RAB35: variants seen among roughly 807,000 people sequenced by gnomAD.
The protein encoded by RAB35 is RAB35, member RAS oncogene family.
Under a neutral mutation model 28.9 loss-of-function variants are expected in RAB35, and 4 were observed. The ratio of observed to expected loss-of-function variants is 0.14; its 90% CI spans 0.07 to 0.32. RAB35 has a LOEUF of 0.32. Among genes scored for constraint, RAB35 ranks in the 10% least tolerant of loss-of-function variants. The pLI is 1.00. For missense variants in RAB35, 128 were observed against 274.0 expected (o/e 0.47, Z 3.76); for synonymous variants, 99 against 105.1 (o/e 0.94, Z 0.35).
intron 3 of RAB35, 156 bp from the exon 4 acceptor site, chr12:120,099,310 C>G: frequency 1.1e-6 from 1 of 949,610 alleles, no homozygotes; most frequent in Non-Finnish European, 1.5e-6. Context: ...CCCCGAGCCA[C>G]AACAGGCCAG....
chr12:120,110,289 C>CTTTTTTTTTTTTTTTT (rs1430969524), intron 1 of RAB35, among the ~76,000 whole-genome samples: 1 of 24,968 alleles, frequency 4.0e-5, no homozygotes, highest in African/African-American at 1.9e-4. Context: ...AAGCCCACAG[C>CTTTTTTTTTTTTTTTT]ATTTTTTTTT....
intron 1 of RAB35, among the ~76,000 whole-genome samples, chr12:120,109,625 A>C (rs1186930057): frequency 6.8e-6 from 1 of 147,168 alleles, no homozygotes; most frequent in African/African-American, 2.5e-5. Context: ...TTTTATTTTT[A>C]GTAGGGACAG....
Position 120,099,087 on chromosome 12 carries a change from C to T in RAB35, c.295G>A (p.Val99Ile), listed in dbSNP as rs1337798232. ...TTGATTTCGTGAAGCCACCGCTTGA[C>T]GTTGACAAAGGACTCGGCACTGGTG... ...DVTSAESFVN[V>I]KRWLHEINQN... Residue 99 changes from valine to isoleucine, a missense_variant, in exon 4 of 6, where the codon GTC becomes ATC. Val to Ile is a conservative substitution (Grantham distance 29, BLOSUM62 3). Transcript: ENST00000229340. 8.7e-6 allele frequency: 14 copies of T among 1,614,130 alleles called. No individual in the cohort carries two copies. Among genetic ancestry groups the T allele is most frequent in the Non-Finnish European group, 1.1e-5 (13 of 1,180,052 alleles).
chr12:120,112,721 GC>G (rs1281210498), intron 1 of RAB35, among the ~76,000 whole-genome samples: 14 of 134,892 alleles, frequency 1.0e-4, no homozygotes, highest in Non-Finnish European at 2.1e-4. Context: ...GAGCTACCGT[GC>G]CTGGACCTTT....
Position 120,109,078 on chromosome 12 carries a change from C to A in RAB35, c.53-611G>T, listed in dbSNP as rs559690338. ...GGGCAGCAGCCCACATGTGCTCAGA[C>A]CATGCACCAGCCACAGCAGCTCCTG... On this transcript the variant is annotated intron_variant, in intron 1 of 5. Transcript: ENST00000229340. Among the ~76,000 whole-genome samples, 8 of 152,342 alleles carry A rather than the reference C, an allele frequency of 5.3e-5. No individual in the cohort carries two copies. The South Asian group carries it at 6.2e-4, about 12-fold the overall frequency.
intron 1 of RAB35, among the ~76,000 whole-genome samples, chr12:120,115,894 C>G (rs1246792010): frequency 6.6e-6 from 1 of 152,208 alleles, no homozygotes; most frequent in African/African-American, 2.4e-5. Flanking sequence ...ATACTCACAT[C>G]AACCCCATAA....
chr12:120,107,603 A>G (rs1875938348), intron 2 of RAB35, among the ~76,000 whole-genome samples: 1 of 152,062 alleles, frequency 6.6e-6, no homozygotes, highest in Non-Finnish European at 1.5e-5. Flanking sequence ...GCAGTGGCTC[A>G]CGCCTGTAAT....
intron 1 of RAB35, among the ~76,000 whole-genome samples, chr12:120,113,160 G>C (rs1299987151): frequency 6.6e-6 from 1 of 150,684 alleles, no homozygotes; most frequent in Non-Finnish European, 1.5e-5. Context: ...CCAAAGTGCT[G>C]GGATTACAGG....
At chr12:120,107,265 G>A (rs991112237) in intron 2 of RAB35, among the ~76,000 whole-genome samples, 1 of 152,104 alleles carries the variant, frequency 6.6e-6, no homozygotes, top group African/African-American at 2.4e-5. Context: ...GGGATTACAG[G>A]TGTGAGCCAC....
In RAB35 at chr12:120,108,439, A is replaced by T. The variant is rs773290878; in HGVS notation, c.81T>A (p.Arg27=). The T allele has an allele frequency of 6.2e-7, 1 of 1,614,008 alleles. No homozygotes were observed. Among genetic ancestry groups the T allele is most frequent in the East Asian group, 2.2e-5 (1 of 44,880 alleles). The change falls in exon 2 of 6, where the codon CGT becomes CGA. Residue 27 remains arginine (R), a synonymous_variant. Transcript: ENST00000229340. ...CACCTGAGAAAGTGTTGTCTGCAAA[A>T]CGCAACAGTAAACTGCTCTTGCCCA... ...SGVGKSSLLL[R]FADNTFSGSY... is the part of the protein sequence containing the mutation.
chr12:120,101,992 A>G (rs564220764), intron 3 of RAB35, among the ~76,000 whole-genome samples: 16 of 152,146 alleles, frequency 1.1e-4, no homozygotes, highest in Non-Finnish European at 2.4e-4. Flanking sequence ...CCAGGAGTTC[A>G]TTCCTCATGG....
At chr12:120,108,859 T>C (rs1875999200) in intron 1 of RAB35, among the ~76,000 whole-genome samples, 2 of 152,190 alleles carry the variant, frequency 1.3e-5, no homozygotes, top group Non-Finnish European at 2.9e-5. Context: ...GCACAGCACG[T>C]TGTAGCACAT....
In RAB35 at chr12:120,116,590, G is replaced by A. The variant is rs1260287726; in HGVS notation, c.52+9C>T. ...GGCCCGCGCCGCCTCCGGCCGCTGC[G>A]GCCCTCACCGCTGTCGCCGATGATG... On this transcript the variant is annotated intron_variant, in intron 1 of 5. Transcript: ENST00000229340. 7.5e-6 allele frequency: 9 copies of A among 1,192,238 alleles called. No individual in the cohort carries two copies. Among genetic ancestry groups the A allele is most frequent in the African/African-American group, 1.6e-5 (1 of 62,780 alleles). 73.9% of individuals were successfully genotyped at this position (1,192,238 alleles called of 1,614,324 possible).
chr12:120,110,134 C>T (rs949377802), intron 1 of RAB35, among the ~76,000 whole-genome samples: 4 of 152,080 alleles, frequency 2.6e-5, no homozygotes, highest in East Asian at 1.9e-4. Flanking sequence ...GGGAGTCTTG[C>T]GTCTGGTTCA....
chr12:120,108,496 G>C (rs780651948), intron 1 of RAB35, 29 bp from the exon 2 acceptor site: 3 of 1,607,160 alleles, frequency 1.9e-6, no homozygotes, highest in African/African-American at 1.3e-5. Context: ...TGCGATGAGG[G>C]GGGCAGGTGG....
intron 5 of RAB35, among the ~76,000 whole-genome samples, chr12:120,098,115 A>G (rs892673036): frequency 6.6e-6 from 1 of 152,016 alleles, no homozygotes; most frequent in African/African-American, 2.4e-5. Flanking sequence ...CGATCTCCTG[A>G]CCTCGTGATC....
chr12:120,104,597 C>T (rs1047656135), intron 2 of RAB35, among the ~76,000 whole-genome samples: 1 of 152,174 alleles, frequency 6.6e-6, no homozygotes. Flanking sequence ...GTGGCATGAG[C>T]TGCTGCATTT....
rs1018554086 is a variant in RAB35 at position 120,095,814 on chromosome 12, T to C, written c.*1431A>G. 2 of 152,994 alleles carry C rather than the reference T, an allele frequency of 1.3e-5. No homozygotes were observed. The highest frequency in any genetic ancestry group is 2.4e-5 in the African/African-American group (1 of 41,456). The allele number at this position is 152,994 out of a possible 1,614,324, so 9.5% of individuals were successfully genotyped here. On this transcript the variant is annotated 3_prime_UTR_variant, in exon 6 of 6. Transcript: ENST00000229340. ...CTAACATGGAAACTGCAGTGTGATC[T>C]GTGATGTGATTGTCCAATCAGGGCT...
chr12:120,101,155 T>C (rs1038538151), intron 3 of RAB35, among the ~76,000 whole-genome samples: 3 of 152,230 alleles, frequency 2.0e-5, no homozygotes, highest in Admixed American at 6.5e-5. Flanking sequence ...ACGTTTCCCA[T>C]GGCCACCAGG....
Sources: allele counts gnomAD v4.1 joint callset (sites outside exome capture counted in the v4.1 genomes callset), GRCh38; gene constraint gnomAD v4.1.1; transcripts MANE v1.5; gene names NCBI Gene and HGNC (gene_info 2026-07-23, HGNC 2026-07-21).